BMP2K: variants seen among roughly 807,000 people sequenced by gnomAD.
The protein encoded by BMP2K is BMP-2-inducible protein kinase.
BMP2K carries 74 observed loss-of-function variants against 116.0 expected under a neutral mutation model. The ratio of observed to expected loss-of-function variants is 0.64; its 90% CI spans 0.53 to 0.77. BMP2K has a LOEUF of 0.77. Ranked by LOEUF, BMP2K falls within the 30% of genes least tolerant of loss-of-function variation. The pLI is 0.00. For missense variants in BMP2K, 1,365 were observed against 1,403.6 expected (o/e 0.97, Z 0.44); for synonymous variants, 486 against 502.5 (o/e 0.97, Z 0.44).
chr4:78,821,429 G>A (rs186597140), intron 1 of BMP2K, among the ~76,000 whole-genome samples: 1 of 152,222 alleles, frequency 6.6e-6, no homozygotes, highest in Non-Finnish European at 1.5e-5. Flanking sequence ...ATGTCTGGCT[G>A]CCAGTGTTAT....
chr4:78,855,556 A>G (rs924964613), intron 7 of BMP2K, among the ~76,000 whole-genome samples: 2 of 152,312 alleles, frequency 1.3e-5, no homozygotes, highest in African/African-American at 2.4e-5. Flanking sequence ...TGACTAAACC[A>G]TGGTATAACT....
At chr4:78,863,894 A>G (rs1456150806) in intron 9 of BMP2K, among the ~76,000 whole-genome samples, 1 of 152,172 alleles carries the variant, frequency 6.6e-6, no homozygotes, top group African/African-American at 2.4e-5. Flanking sequence ...GGTTAAAAGT[A>G]CAATTACATC....
At chr4:78,849,015 A>T (rs114766846) in intron 6 of BMP2K, among the ~76,000 whole-genome samples, 4,030 of 151,502 alleles carry the variant, frequency 0.027, 181 homozygotes, top group African/African-American at 0.092. Context: ...ATCCTGCTTC[A>T]ATGTAGTACT....
chr4:78,865,494 A>G (rs1732000116), intron 9 of BMP2K, 63 bp from the exon 10 acceptor site: 12 of 1,489,070 alleles, frequency 8.1e-6, no homozygotes, highest in Non-Finnish European at 1.0e-5. Context: ...GATGCTTTAT[A>G]GAATAAATAG....
At chr4:78,868,866 G>C (rs1185317915) in intron 10 of BMP2K, among the ~76,000 whole-genome samples, 2 of 152,202 alleles carry the variant, frequency 1.3e-5, no homozygotes, top group Non-Finnish European at 2.9e-5. Flanking sequence ...TGGCTTTGCA[G>C]AGTACAGTGT....
rs770839404 is a variant in BMP2K, at chr4:78,872,852, C to T, written c.1793+54C>T. 8 of 1,533,198 alleles carry T rather than the reference C, an allele frequency of 5.2e-6. No homozygotes were observed. The East Asian group carries it at 6.8e-5, about 13-fold the overall frequency. 95.0% of individuals were successfully genotyped at this position (1,533,198 alleles called of 1,614,324 possible). A position where few individuals can be genotyped will look rare whatever the true frequency, so the allele number is the denominator to read the frequency against. On this transcript the variant is annotated intron_variant, in intron 13 of 15. Coordinates refer to ENST00000502613, the MANE Select transcript of BMP2K (RefSeq NM_198892.2). ...AAATTATTGTGGAAGTGGAAGTCATCGTTGAATGGTCGGTCATTAAGTTCT... is the reference window on the plus strand; with the variant it reads ...AAATTATTGTGGAAGTGGAAGTCATTGTTGAATGGTCGGTCATTAAGTTCT...
At chr4:78,857,020 C>G (rs1731538709) in intron 7 of BMP2K, among the ~76,000 whole-genome samples, 3 of 152,096 alleles carry the variant, frequency 2.0e-5, no homozygotes, top group Admixed American at 2.0e-4. Context: ...TGGCACTACA[C>G]TAGCACAGTG....
At chr4:78,779,668 TGAG>T (rs1448071631) in intron 1 of BMP2K, among the ~76,000 whole-genome samples, 2 of 152,232 alleles carry the variant, frequency 1.3e-5, no homozygotes, top group African/African-American at 4.8e-5. Flanking sequence ...CCTCAACTAA[TGAG>T]GAGCAACCTT....
intron 15 of BMP2K, among the ~76,000 whole-genome samples, chr4:78,897,196 A>C (rs959121896): frequency 1.3e-5 from 2 of 151,708 alleles, no homozygotes; most frequent in African/African-American, 4.9e-5. Context: ...TGTTTTTTTG[A>C]TTTTTTTAAG....
rs115443994 is a variant in BMP2K at position 78,840,369 on chromosome 4, G to A, written c.404-2016G>A. On this transcript the variant is annotated intron_variant, in intron 3 of 15. Coordinates refer to ENST00000502613, the MANE Select transcript of BMP2K (RefSeq NM_198892.2). ...CATACAAAGGGAGGGACCCAAAGAGGGTAGCCATTGCCGGCTCAAATGCCT... is the reference window on the plus strand; with the variant it reads ...CATACAAAGGGAGGGACCCAAAGAGAGTAGCCATTGCCGGCTCAAATGCCT... Among the ~76,000 whole-genome samples the A allele has an allele frequency of 5.6e-3, 850 of 152,090 alleles. 11 individuals are homozygous for A. Among genetic ancestry groups the A allele is most frequent in the African/African-American group, 0.019 (805 of 41,490 alleles).
intron 2 of BMP2K, among the ~76,000 whole-genome samples, chr4:78,828,438 T>C (rs1349666337): frequency 6.6e-6 from 1 of 152,046 alleles, no homozygotes; most frequent in Non-Finnish European, 1.5e-5. Context: ...TCCTCTTGGG[T>C]TTTTATGGAA....
intron 5 of BMP2K, 68 bp downstream of exon 5, chr4:78,845,117 C>T: frequency 7.7e-7 from 1 of 1,296,772 alleles, no homozygotes; most frequent in Non-Finnish European, 1.1e-6. Context: ...CTGGCCAGCA[C>T]TGCTAATACA....
intron 15 of BMP2K, among the ~76,000 whole-genome samples, chr4:78,900,135 G>A (rs1423137456): frequency 1.3e-5 from 2 of 152,192 alleles, no homozygotes; most frequent in Non-Finnish European, 2.9e-5. Flanking sequence ...CCTACTCAAT[G>A]TGAAGACGAT....
chr4:78,898,486 A>C (rs1455206657), intron 15 of BMP2K, among the ~76,000 whole-genome samples: 1 of 151,644 alleles, frequency 6.6e-6, no homozygotes, highest in African/African-American at 2.4e-5. Flanking sequence ...ATATGGAGAC[A>C]GTGGAGGTAA....
intron 15 of BMP2K, among the ~76,000 whole-genome samples, chr4:78,901,494 G>A (rs956557695): frequency 1.3e-5 from 2 of 152,154 alleles, no homozygotes; most frequent in African/African-American, 2.4e-5. Flanking sequence ...GAACCTGTTT[G>A]TGAGGATTTC....
Position 78,844,983 on chromosome 4 carries a change from G to C in BMP2K, c.602G>C (p.Ser201Thr). The change falls in exon 5 of 16, where the codon AGT (serine) becomes ACT (threonine). Residue 201 changes from serine to threonine, a missense_variant. Transcript: ENST00000502613. ...AACTATGTACTTTGTGACTTTGGCAGTGCCACTAATAAATTTCTTAATCCT... is the reference window on the plus strand; with the variant it reads ...AACTATGTACTTTGTGACTTTGGCACTGCCACTAATAAATTTCTTAATCCT... ...GGNYVLCDFG[S>T]ATNKFLNPQK... 1.3e-6 allele frequency: 2 copies of C among 1,597,448 alleles called. No individual in the cohort carries two copies. The highest frequency in any genetic ancestry group is 1.7e-6 in the Non-Finnish European group (2 of 1,166,382).
rs1732789146 is a variant in BMP2K, at chr4:78,879,351, T to C, written c.1951+460T>C. 3.0e-6 allele frequency: 3 copies of C among 987,114 alleles called. No individual in the cohort carries two copies. In the South Asian group the frequency reaches 1.4e-4, roughly 46 times the overall value. The allele number at this position is 987,114 out of a possible 1,614,324, so 61.1% of individuals were successfully genotyped here. A position where few individuals can be genotyped will look rare whatever the true frequency, so the allele number is the denominator to read the frequency against. ...ACTACATTATGTTAATGTTTTGTAA[T>C]GTCCTTTTAATGAGTGGTGACATAA... On this transcript the variant is annotated intron_variant, in intron 14 of 15. Coordinates refer to ENST00000502613, the MANE Select transcript of BMP2K (RefSeq NM_198892.2).
chr4:78,906,214 C>T (rs1404281433), intron 15 of BMP2K: 2 of 152,078 alleles, frequency 1.3e-5, no homozygotes, highest in Non-Finnish European at 2.9e-5. Context: ...CAGAGAGCCT[C>T]ATTACTGCTC....
chr4:78,890,427 C>CAT (rs57797998), intron 15 of BMP2K, among the ~76,000 whole-genome samples: 1 of 151,108 alleles, frequency 6.6e-6, no homozygotes, highest in East Asian at 1.9e-4. Flanking sequence ...CACACACACA[C>CAT]GTGTCCTGTC....
Sources: allele counts gnomAD v4.1 joint callset (sites outside exome capture counted in the v4.1 genomes callset), GRCh38; gene constraint gnomAD v4.1.1; transcripts MANE v1.5; gene names NCBI Gene and HGNC (gene_info 2026-07-23, HGNC 2026-07-21).